Variants in NKAIN2 observed in about 807,000 individuals in gnomAD.
NKAIN2 encodes sodium/potassium transporting ATPase interacting 2.
A neutral mutation model predicts 32.6 loss-of-function variants in NKAIN2; 14 were observed. The ratio of observed to expected loss-of-function variants is 0.43; its 90% CI spans 0.28 to 0.67. NKAIN2 has a LOEUF of 0.67. Among genes scored for constraint, NKAIN2 ranks in the 30% least tolerant of loss-of-function variants. The pLI, the probability that NKAIN2 is intolerant of heterozygous loss-of-function variation, is 0.17. For missense variants in NKAIN2, 198 were observed against 258.3 expected (o/e 0.77, Z 1.60); for synonymous variants, 80 against 87.2 (o/e 0.92, Z 0.46).
At chr6:124,183,347 C>A (rs1164650600) in intron 1 of NKAIN2, among the ~76,000 whole-genome samples, 1 of 151,952 alleles carries the variant, frequency 6.6e-6, no homozygotes, top group Admixed American at 6.6e-5. Flanking sequence ...ACTTCTATTA[C>A]TAATAAAAGT....
intron 3 of NKAIN2, among the ~76,000 whole-genome samples, chr6:124,514,953 A>C (rs1244371520): frequency 6.6e-6 from 1 of 152,138 alleles, no homozygotes; most frequent in Non-Finnish European, 1.5e-5. Context: ...ACAATTTTTG[A>C]CAGAAAAGAA....
At chr6:124,214,176 C>T (rs954362873) in intron 1 of NKAIN2, among the ~76,000 whole-genome samples, 3 of 152,028 alleles carry the variant, frequency 2.0e-5, no homozygotes, top group Non-Finnish European at 2.9e-5. Flanking sequence ...TTTCGACATA[C>T]CAATAGTATG....
chr6:124,117,289 T>A (rs1785661631), intron 1 of NKAIN2, among the ~76,000 whole-genome samples: 1 of 152,188 alleles, frequency 6.6e-6, no homozygotes, highest in South Asian at 2.1e-4. Flanking sequence ...CCCAATTACC[T>A]ATATCTAAGC....
intron 3 of NKAIN2, among the ~76,000 whole-genome samples, chr6:124,540,488 A>T (rs1779872363): frequency 6.6e-6 from 1 of 152,234 alleles, no homozygotes; most frequent in Admixed American, 6.5e-5. Context: ...TTTTAAGGAA[A>T]TATAGTTCAC....
At chr6:124,275,413 G>A (rs1005684843) in intron 1 of NKAIN2, among the ~76,000 whole-genome samples, 10 of 151,990 alleles carry the variant, frequency 6.6e-5, no homozygotes, top group Non-Finnish European at 2.9e-5. Flanking sequence ...TCTCTATTTG[G>A]TTTCTTTGAA....
At chr6:124,804,461 G>C in intron 5 of NKAIN2, 1 of 951,202 alleles carries the variant, frequency 1.1e-6, no homozygotes, top group Non-Finnish European at 1.3e-6. Context: ...TCATTGTTTA[G>C]CACGTGTGAA....
intron 2 of NKAIN2, among the ~76,000 whole-genome samples, chr6:124,296,649 C>T (rs986256032): frequency 3.9e-5 from 6 of 152,128 alleles, no homozygotes; most frequent in Non-Finnish European, 7.4e-5. Context: ...AGACTCCATA[C>T]AAGGAACCAC....
chr6:124,456,682 A>G (rs1396307964), intron 3 of NKAIN2, among the ~76,000 whole-genome samples: 1 of 151,876 alleles, frequency 6.6e-6, no homozygotes, highest in Non-Finnish European at 1.5e-5. Flanking sequence ...TACTTTATTA[A>G]TATGAGATCT....
At chr6:124,516,477 A>G (rs1031297432) in intron 3 of NKAIN2, among the ~76,000 whole-genome samples, 1 of 152,142 alleles carries the variant, frequency 6.6e-6, no homozygotes, top group African/African-American at 2.4e-5. Flanking sequence ...TCATGTTAAT[A>G]GGTGTTTTTA....
At chr6:124,821,293 T>TC (rs1554269687) in intron 6 of NKAIN2, among the ~76,000 whole-genome samples, 1 of 140,560 alleles carries the variant, frequency 7.1e-6, no homozygotes, top group East Asian at 2.0e-4. Flanking sequence ...AGGCTCTGTC[T>TC]CAAAAAAAAA....
chr6:124,191,927 C>T (rs1310063847), intron 1 of NKAIN2, among the ~76,000 whole-genome samples: 1 of 151,100 alleles, frequency 6.6e-6, no homozygotes, highest in African/African-American at 2.5e-5. Context: ...AATATCTTAT[C>T]CTTTTCATAT....
intron 3 of NKAIN2, among the ~76,000 whole-genome samples, chr6:124,584,804 AC>A (rs1370699475): frequency 6.6e-6 from 1 of 152,158 alleles, no homozygotes; most frequent in East Asian, 1.9e-4. Flanking sequence ...ACAGGAAATA[AC>A]AAATGCTGGT....
rs145613177 is a variant in NKAIN2 at position 123,874,304 on chromosome 6, T to C, written c.54+70050T>C. On this transcript the variant is annotated intron_variant, in intron 1 of 6. Coordinates refer to ENST00000368417, the MANE Select transcript of NKAIN2 (RefSeq NM_001040214.3). ...GTGTTATATTGTATTTGTAACTCAG[T>C]AGATTCATTAATTATTTCTGATTTT... 2.9e-3 allele frequency among the ~76,000 whole-genome samples: 440 copies of C among 152,306 alleles called. 1 individual carries two copies. Among genetic ancestry groups the C allele is most frequent in the African/African-American group, 9.8e-3 (408 of 41,558 alleles).
At chr6:124,144,633 CAAAAT>C (rs1787304093) in intron 1 of NKAIN2, among the ~76,000 whole-genome samples, 1 of 151,856 alleles carries the variant, frequency 6.6e-6, no homozygotes. Context: ...AAAGTTAACT[CAAAAT>C]GAATCATGGA....
At chr6:124,813,064 A>G (rs1263115673) in intron 5 of NKAIN2, among the ~76,000 whole-genome samples, 3 of 152,122 alleles carry the variant, frequency 2.0e-5, no homozygotes, top group Non-Finnish European at 4.4e-5. Context: ...CAAGATGGGG[A>G]TGAGAATATA....
intron 1 of NKAIN2, among the ~76,000 whole-genome samples, chr6:123,921,157 T>C (rs536031816): frequency 6.6e-6 from 1 of 152,320 alleles, no homozygotes; most frequent in African/African-American, 2.4e-5. Context: ...ATAGTGAATC[T>C]TAAAGAGGAA....
intron 1 of NKAIN2, among the ~76,000 whole-genome samples, chr6:123,915,964 C>T (rs896760749): frequency 4.6e-5 from 7 of 152,084 alleles, no homozygotes; most frequent in Non-Finnish European, 8.8e-5. Flanking sequence ...TTCTGAGGAC[C>T]TAATGTTTTA....
intron 1 of NKAIN2, among the ~76,000 whole-genome samples, chr6:124,226,155 A>AT (rs5879722): frequency 6.6e-6 from 1 of 151,882 alleles, no homozygotes; most frequent in Non-Finnish European, 1.5e-5. Flanking sequence ...TTTAATTTGT[A>AT]TTTTTTTCCT....
intron 3 of NKAIN2, among the ~76,000 whole-genome samples, chr6:124,415,339 T>A (rs1166838418): frequency 6.6e-6 from 1 of 152,224 alleles, no homozygotes; most frequent in Admixed American, 6.5e-5. Context: ...GGACCACACT[T>A]ACTTTCATTC....
Sources: gnomAD v4.1 joint callset for allele counts (sites outside exome capture counted in the v4.1 genomes callset) on GRCh38, gnomAD v4.1.1 for gene constraint, MANE v1.5 for transcripts, NCBI Gene and HGNC (gene_info 2026-07-23, HGNC 2026-07-21) for gene names.